Variants in MYO3B observed in about 807,000 individuals in gnomAD.
MYO3B encodes myosin IIIB, also known as myosin-IIIb.
A neutral mutation model predicts 174.6 loss-of-function variants in MYO3B; 156 were observed. That is an observed-to-expected ratio of 0.89 (90% CI 0.78 to 1.02). MYO3B has a LOEUF of 1.02. Ranked by LOEUF, MYO3B falls within the 50% of genes least tolerant of loss-of-function variation. The probability of loss-of-function intolerance (pLI) is 0.00; values close to 1 mark genes in which losing one functional copy is unlikely to be tolerated. For missense variants in MYO3B, 1,632 were observed against 1,639.4 expected, an observed-to-expected ratio of 1.00 and a Z score of 0.08; for synonymous variants, 563 against 569.1, an observed-to-expected ratio of 0.99 and a Z score of 0.15.
chr2:170,467,878 C>CT (rs59765809), intron 25 of MYO3B, among the ~76,000 whole-genome samples: 112 of 137,596 alleles, frequency 8.1e-4, no homozygotes, highest in South Asian at 2.5e-3. Flanking sequence ...AAGGAAATGG[C>CT]TTTTTTTTTT....
chr2:170,422,096 G>A (rs1473656258), intron 22 of MYO3B, among the ~76,000 whole-genome samples: 2 of 152,092 alleles, frequency 1.3e-5, no homozygotes, highest in African/African-American at 4.8e-5. Flanking sequence ...CAAATTGAGG[G>A]GTGTGCATTA....
At chr2:170,415,105 G>T (rs957219547) in intron 22 of MYO3B, among the ~76,000 whole-genome samples, 1 of 152,134 alleles carries the variant, frequency 6.6e-6, no homozygotes. Flanking sequence ...AGGACTTCCA[G>T]TATGATATTG....
At chr2:170,460,282 GT>G (rs1684197207) in intron 23 of MYO3B, among the ~76,000 whole-genome samples, 1 of 152,062 alleles carries the variant, frequency 6.6e-6, no homozygotes. Context: ...AAGGTCAGGG[GT>G]TCAAGACCAG....
intron 25 of MYO3B, among the ~76,000 whole-genome samples, chr2:170,489,376 G>T (rs1686282083): frequency 6.6e-6 from 1 of 152,168 alleles, no homozygotes; most frequent in East Asian, 1.9e-4. Flanking sequence ...GGAACAATGG[G>T]ATTGGGGTGT....
intron 12 of MYO3B, 199 bp from the exon 13 acceptor site, chr2:170,385,990 A>G: frequency 2.1e-6 from 1 of 470,484 alleles, no homozygotes. Context: ...GATTAAACAG[A>G]TTATGGTACA....
intron 3 of MYO3B, among the ~76,000 whole-genome samples, chr2:170,203,864 G>A (rs894039578): frequency 2.0e-5 from 3 of 152,132 alleles, no homozygotes; most frequent in Admixed American, 1.3e-4. Flanking sequence ...TGAGACTGGA[G>A]AAGGGAAGAA....
intron 7 of MYO3B, among the ~76,000 whole-genome samples, chr2:170,273,066 G>A (rs908783): frequency 0.88 from 134,441 of 152,032 alleles, 59,887 homozygotes; most frequent in East Asian, 0.96. Flanking sequence ...CTTAGGATCA[G>A]CTGTATTTGC....
intron 6 of MYO3B, among the ~76,000 whole-genome samples, chr2:170,235,123 GT>G (rs2093056114): frequency 1.3e-5 from 2 of 152,206 alleles, no homozygotes; most frequent in Non-Finnish European, 2.9e-5. Flanking sequence ...CCTCCCTGAT[GT>G]TTTGGATCAT....
chr2:170,618,745 T>A (rs955139900), intron 32 of MYO3B, among the ~76,000 whole-genome samples: 4 of 152,076 alleles, frequency 2.6e-5, no homozygotes, highest in Non-Finnish European at 4.4e-5. Flanking sequence ...TAGTGAGGGA[T>A]TTAGGGTCAT....
At chr2:170,212,158 G>A (rs541957402) in intron 3 of MYO3B, among the ~76,000 whole-genome samples, 265 of 151,650 alleles carry the variant, frequency 1.7e-3, no homozygotes, top group Non-Finnish European at 2.7e-3. Context: ...CAGGAGAATC[G>A]CTTGGACCCA....
intron 32 of MYO3B, among the ~76,000 whole-genome samples, chr2:170,552,689 G>A (rs538375415): frequency 6.6e-6 from 1 of 152,292 alleles, no homozygotes; most frequent in African/African-American, 2.4e-5. Flanking sequence ...AGAATTCAAG[G>A]CTGCAGAAAT....
intron 7 of MYO3B, among the ~76,000 whole-genome samples, chr2:170,311,846 G>A (rs993296720): frequency 3.3e-5 from 5 of 152,114 alleles, no homozygotes; most frequent in Admixed American, 6.5e-5. Flanking sequence ...TCCCGGCACC[G>A]TTTGTTAAAG....
At chr2:170,652,822 C>A (rs1332397261) in intron 34 of MYO3B, among the ~76,000 whole-genome samples, 161 bp from the exon 35 acceptor site, 1 of 152,164 alleles carries the variant, frequency 6.6e-6, no homozygotes, top group African/African-American at 2.4e-5. Context: ...ACCCTGGTAC[C>A]TCTGTACTGG....
intron 8 of MYO3B, among the ~76,000 whole-genome samples, chr2:170,353,667 T>G (rs1028656950): frequency 5.9e-5 from 9 of 152,072 alleles, no homozygotes; most frequent in South Asian, 2.1e-4. Context: ...GGCCGGGGTA[T>G]ATGGGAAATC....
intron 30 of MYO3B, among the ~76,000 whole-genome samples, chr2:170,541,903 T>C (rs953141112): frequency 6.6e-6 from 1 of 152,314 alleles, no homozygotes; most frequent in South Asian, 2.1e-4. Flanking sequence ...AATGGGCATA[T>C]TGCTTATAAT....
chr2:170,298,543 C>G (rs992520190), intron 7 of MYO3B, among the ~76,000 whole-genome samples: 1 of 151,574 alleles, frequency 6.6e-6, no homozygotes, highest in Non-Finnish European at 1.5e-5. Flanking sequence ...GGTGTGCTGG[C>G]GGGGACCTGT....
intron 7 of MYO3B, among the ~76,000 whole-genome samples, chr2:170,270,362 G>A (rs964060358): frequency 6.6e-6 from 1 of 152,116 alleles, no homozygotes; most frequent in African/African-American, 2.4e-5. Context: ...AAGACTGATC[G>A]TGATAGGATG....
intron 7 of MYO3B, among the ~76,000 whole-genome samples, chr2:170,310,170 T>C (rs1005845688): frequency 2.6e-5 from 4 of 152,214 alleles, no homozygotes; most frequent in African/African-American, 9.6e-5. Flanking sequence ...ATTCATCCAT[T>C]GATGAACATT....
chr2:170,334,229 T>C (rs1466477221), intron 7 of MYO3B: 2 of 152,208 alleles, frequency 1.3e-5, no homozygotes, highest in East Asian at 3.8e-4. Flanking sequence ...TTATATATCA[T>C]TGACTAGAAC....
Sources: allele counts gnomAD v4.1 joint callset (sites outside exome capture counted in the v4.1 genomes callset), GRCh38; gene constraint gnomAD v4.1.1; transcripts MANE v1.5; gene names NCBI Gene and HGNC (gene_info 2026-07-23, HGNC 2026-07-21).